FGFR2: variants seen among roughly 807,000 people sequenced by gnomAD.
FGFR2 encodes the protein BEK fibroblast growth factor receptor.
Under a neutral mutation model 95.9 loss-of-function variants are expected in FGFR2, and 19 were observed. That is an observed-to-expected ratio of 0.20 (90% CI 0.14 to 0.29). FGFR2 has a LOEUF of 0.29. Ranked by LOEUF, FGFR2 falls within the 10% of genes least tolerant of loss-of-function variation. The pLI is 1.00. For missense variants in FGFR2, 707 were observed against 1,056.9 expected (o/e 0.67, Z 4.59); for synonymous variants, 392 against 393.3 (o/e 1.00, Z 0.04).
intron 4 of FGFR2, among the ~76,000 whole-genome samples, chr10:121,557,585 G>A (rs962479056): frequency 1.3e-5 from 2 of 152,136 alleles, no homozygotes; most frequent in African/African-American, 4.8e-5. Flanking sequence ...TGGAATTACA[G>A]GTGCGAGCTG....
chr10:121,587,877 C>T, intron 2 of FGFR2, among the ~76,000 whole-genome samples: 1 of 152,198 alleles, frequency 6.6e-6, no homozygotes, highest in Non-Finnish European at 1.5e-5. Flanking sequence ...TTCGACCCAG[C>T]AATCCCATTA....
intron 11 of FGFR2, among the ~76,000 whole-genome samples, chr10:121,499,501 C>T (rs1252654680): frequency 6.6e-6 from 1 of 152,212 alleles, no homozygotes; most frequent in Non-Finnish European, 1.5e-5. Flanking sequence ...GAGACACAGC[C>T]GTGGGCTGTA....
At chr10:121,566,516 A>T (rs1031726051) in intron 2 of FGFR2, among the ~76,000 whole-genome samples, 1 of 151,960 alleles carries the variant, frequency 6.6e-6, no homozygotes, top group Non-Finnish European at 1.5e-5. Context: ...CCCACCACAC[A>T]TGTCCCAGGC....
At chr10:121,527,580 T>C (rs1004923748) in intron 6 of FGFR2, 1 of 58,744 alleles carries the variant, frequency 1.7e-5, no homozygotes, top group Non-Finnish European at 5.1e-5. Flanking sequence ...ATGTTATGTA[T>C]ATTTTACCAC....
chr10:121,545,543 G>A (rs1308810024), intron 5 of FGFR2, among the ~76,000 whole-genome samples: 1 of 152,146 alleles, frequency 6.6e-6, no homozygotes, highest in Admixed American at 6.5e-5. Context: ...ATAAACGTTG[G>A]CTAATACAAA....
At chr10:121,552,688 C>T (rs1212846301) in intron 4 of FGFR2, among the ~76,000 whole-genome samples, 10 of 152,240 alleles carry the variant, frequency 6.6e-5, no homozygotes, top group South Asian at 4.1e-4. Flanking sequence ...TCAAGGCACA[C>T]GTCCTCCTTT....
intron 5 of FGFR2, among the ~76,000 whole-genome samples, chr10:121,550,915 T>G (rs1441276866): frequency 6.6e-6 from 1 of 152,112 alleles, no homozygotes; most frequent in Non-Finnish European, 1.5e-5. Context: ...TTTTGAGCAC[T>G]TCAAAAAATA....
chr10:121,582,522 C>G (rs1017379112), intron 2 of FGFR2, among the ~76,000 whole-genome samples: 4 of 152,054 alleles, frequency 2.6e-5, no homozygotes, highest in Non-Finnish European at 5.9e-5. Context: ...CGGCCAGGTG[C>G]GGTGGTTCAC....
At chr10:121,560,955 AACTTT>A (rs766084190) in intron 4 of FGFR2, among the ~76,000 whole-genome samples, 27 of 152,170 alleles carry the variant, frequency 1.8e-4, no homozygotes, top group Non-Finnish European at 3.2e-4. Context: ...CTGGTCCAGG[AACTTT>A]ACTTTGAGAA....
intron 9 of FGFR2, among the ~76,000 whole-genome samples, chr10:121,514,563 T>C (rs1478830951): frequency 6.6e-6 from 1 of 152,204 alleles, no homozygotes; most frequent in Non-Finnish European, 1.5e-5. Context: ...AATTCTATTG[T>C]AAATTGCAAA....
chr10:121,515,353 A>G, intron 8 of FGFR2, 34 bp from the exon 9 acceptor site: 2 of 1,599,120 alleles, frequency 1.3e-6, no homozygotes, highest in Non-Finnish European at 1.7e-6. Flanking sequence ...GGAACAGATA[A>G]GCAGGCCATA....
intron 9 of FGFR2, among the ~76,000 whole-genome samples, chr10:121,506,924 G>A (rs1848371606): frequency 6.6e-6 from 1 of 152,164 alleles, no homozygotes; most frequent in Non-Finnish European, 1.5e-5. Flanking sequence ...GAATAATAAG[G>A]ATCTGAGCTG....
At chr10:121,506,479 A>G (rs577085472) in intron 9 of FGFR2, among the ~76,000 whole-genome samples, 1 of 152,142 alleles carries the variant, frequency 6.6e-6, no homozygotes, top group Non-Finnish European at 1.5e-5. Context: ...TCATCACTGG[A>G]TACCAGTTTC....
intron 2 of FGFR2, among the ~76,000 whole-genome samples, chr10:121,571,952 A>G (rs1858841386): frequency 7.0e-6 from 1 of 143,856 alleles, no homozygotes; most frequent in Admixed American, 6.9e-5. Context: ...TCAAAAAAAA[A>G]ATAAAAAAAA....
intron 17 of FGFR2, chr10:121,480,400 T>C: frequency 2.9e-6 from 1 of 346,764 alleles, no homozygotes; most frequent in Non-Finnish European, 5.5e-6. Context: ...AATAACCCGC[T>C]GAGTCTACAC....
Position 121,500,902 on chromosome 10 carries a change from C to T in FGFR2, c.1485G>A (p.Val495=), listed in dbSNP as rs1362401352. 6.2e-7 allele frequency: 1 copy of T among 1,614,212 alleles called. No homozygotes were observed. Among genetic ancestry groups the T allele is most frequent in the Admixed American group, 1.7e-5 (1 of 60,018 alleles). ...CAATTCCCACTGCTTCCGCCATGACCACTTGCCCAAAGCAACCTTCTCCCA... is the reference window on the plus strand; with the variant it reads ...CAATTCCCACTGCTTCCGCCATGACTACTTGCCCAAAGCAACCTTCTCCCA... ...KPLGEGCFGQ[V]VMAEAVGIDK... Residue 495 remains valine, a synonymous_variant, in exon 11 of 18, where the codon GTG becomes GTA. Coordinates refer to ENST00000358487, the MANE Select transcript of FGFR2 (RefSeq NM_000141.5).
In FGFR2 at chr10:121,518,010, C is replaced by T. The variant is rs747821378; in HGVS notation, c.940-547G>A. The T allele has an allele frequency of 2.0e-6, 1 of 487,854 alleles. No individual in the cohort carries two copies. Among genetic ancestry groups the T allele is most frequent in the African/African-American group, 2.0e-5 (1 of 50,272 alleles). 30.2% of individuals were successfully genotyped at this position (487,854 alleles called of 1,614,324 possible). ...ACTTCTGCGATACCATCTTGCCCTA[C>T]ATAGCATTGACAAAAAGAAATGGAA... On this transcript the variant is annotated intron_variant, in intron 7 of 17. Transcript: ENST00000358487. The surrounding 1 kb of genome is among the most constrained non-coding windows in gnomAD (Gnocchi z 4.0).
At chr10:121,586,534 G>A (rs1302655440) in intron 2 of FGFR2, among the ~76,000 whole-genome samples, 1 of 152,188 alleles carries the variant, frequency 6.6e-6, no homozygotes, top group Non-Finnish European at 1.5e-5. Context: ...TGTGGCCAAA[G>A]TCCACAATGG....
chr10:121,555,388 TC>T (rs1331930354), intron 4 of FGFR2, among the ~76,000 whole-genome samples: 42 of 146,922 alleles, frequency 2.9e-4, no homozygotes, highest in East Asian at 1.9e-3. Flanking sequence ...AATCAATCAA[TC>T]AATCAATCAA....
Sources: gnomAD v4.1 joint callset for allele counts (sites outside exome capture counted in the v4.1 genomes callset) on GRCh38, gnomAD v4.1.1 for gene constraint, Gnocchi (gnomAD v3.1) non-coding constraint, MANE v1.5 for transcripts, NCBI Gene and HGNC (gene_info 2026-07-23, HGNC 2026-07-21) for gene names.